The following MOCOS variants were observed in gnomAD, a reference collection of about 807,000 sequenced individuals.
MOCOS encodes the protein molybdenum cofactor sulfurase, also known as human molybdenum cofactor sulfurase.
Under a neutral mutation model 83.6 loss-of-function variants are expected in MOCOS, and 86 were observed. The observed-to-expected ratio is 1.03, with a 90% confidence interval of 0.86 to 1.23. The LOEUF (loss-of-function observed/expected upper bound fraction) is 1.23, where lower values mean the gene tolerates loss of function less well. Ranked by LOEUF, MOCOS falls within the 50% of genes most tolerant of loss-of-function variation. MOCOS has a pLI of 0.00. For missense variants in MOCOS, 1,120 were observed against 1,126.9 expected, an observed-to-expected ratio of 0.99 and a Z score of 0.09; for synonymous variants, 445 against 434.7, an observed-to-expected ratio of 1.02 and a Z score of -0.29.
chr18:36,207,275 G>A (rs1195076966), intron 6 of MOCOS, among the ~76,000 whole-genome samples: 2 of 152,164 alleles, frequency 1.3e-5, no homozygotes, highest in South Asian at 4.1e-4. Flanking sequence ...GGCCTCATGC[G>A]ATCCACCTGC....
intron 11 of MOCOS, among the ~76,000 whole-genome samples, chr18:36,255,945 T>A (rs1242400331): frequency 6.7e-6 from 1 of 148,426 alleles, no homozygotes; most frequent in Admixed American, 6.9e-5. Context: ...CAGACTGGAG[T>A]GCAATAGTGT....
chr18:36,254,501 TAGAG>T (rs57765304), intron 11 of MOCOS, among the ~76,000 whole-genome samples: 89 of 144,750 alleles, frequency 6.1e-4, no homozygotes, highest in African/African-American at 1.7e-3. Flanking sequence ...TGTGTGTGTA[TAGAG>T]AGAGAGAGAG....
At position 36,269,239 on chromosome 18, in the gene MOCOS, C is replaced by T. The variant is rs1598599257; in HGVS notation, c.*554C>T. The T allele has an allele frequency of 3.1e-5, 5 of 158,978 alleles. No individual in the cohort carries two copies. In the South Asian group the frequency reaches 9.2e-4, roughly 29 times the overall value. 9.8% of individuals were successfully genotyped at this position (158,978 alleles called of 1,614,324 possible). On this transcript the variant is annotated 3_prime_UTR_variant, in exon 15 of 15. Transcript: ENST00000261326. ...GAGTTTCTACCAGAATATTTATATT[C>T]TGAGCAAAGGCACAGGCCAGCAATT...
intron 12 of MOCOS, among the ~76,000 whole-genome samples, chr18:36,259,448 C>CAAA (rs397858504): frequency 1.3e-3 from 120 of 92,416 alleles, no homozygotes; most frequent in African/African-American, 4.9e-3. Flanking sequence ...GACCTTGTCT[C>CAAA]AAAAAAAAAA....
Position 36,227,476 on chromosome 18 carries a change from AC to A in MOCOS, c.1960+7261del, listed in dbSNP as rs1298139606. Among the ~76,000 whole-genome samples the A allele has an allele frequency of 4.0e-5, 6 of 151,584 alleles. No homozygotes were observed. The East Asian group carries it at 1.2e-3, about 30-fold the overall frequency. ...AGTGGCATGATCCCAGCTCACTGCAACCTCTGCCTCCTGGGTTCAAGAGATT... is the reference window on the plus strand; with the variant it reads ...AGTGGCATGATCCCAGCTCACTGCAACTCTGCCTCCTGGGTTCAAGAGATT... On this transcript the variant is annotated intron_variant, in intron 9 of 14. Transcript: ENST00000261326.
intron 7 of MOCOS, among the ~76,000 whole-genome samples, chr18:36,213,695 G>A (rs960036584): frequency 3.3e-5 from 5 of 152,132 alleles, no homozygotes; most frequent in Admixed American, 1.3e-4. Flanking sequence ...TTGGGAGGCC[G>A]AGGCAGGTGG....
chr18:36,262,174 C>T (rs74723625), intron 13 of MOCOS, among the ~76,000 whole-genome samples: 16 of 150,856 alleles, frequency 1.1e-4, no homozygotes, highest in African/African-American at 2.2e-4. Flanking sequence ...CCCATAGAAA[C>T]GCTAATACAA....
intron 5 of MOCOS, among the ~76,000 whole-genome samples, chr18:36,204,494 C>A (rs2091427013): frequency 6.6e-6 from 1 of 151,936 alleles, no homozygotes; most frequent in African/African-American, 2.4e-5. Flanking sequence ...TGATCTGTTA[C>A]CAAAGGGTCT....
intron 12 of MOCOS, among the ~76,000 whole-genome samples, chr18:36,259,418 C>T (rs2091654090): frequency 7.3e-6 from 1 of 137,146 alleles, no homozygotes; most frequent in African/African-American, 2.7e-5. Flanking sequence ...CACTGCACTC[C>T]AGTCTGGGTG....
Position 36,200,258 on chromosome 18 carries a change from G to A in MOCOS, c.875G>A (p.Gly292Glu). The change falls in exon 4 of 15, where the codon GGA becomes GAA. Residue 292 changes from glycine to glutamate, a missense_variant. Physicochemically the swap from Gly to Glu is moderately conservative, Grantham distance 98. Coordinates refer to ENST00000261326, the MANE Select transcript of MOCOS (RefSeq NM_017947.4). ...APLLRKTYFG[G>E]GTASAYLAGE... is the part of the protein sequence containing the mutation. The stretch of plus-strand genomic sequence containing the variant: ...CTACTGAGGAAGACCTACTTTGGAG[G>A]AGGGACAGCCTCTGCGTACCTAGCA... 1 of 1,614,184 alleles carries A rather than the reference G, an allele frequency of 6.2e-7. No homozygotes were observed.
rs758274744 is a variant in MOCOS at position 36,215,586 on chromosome 18, T to C, written c.1406T>C (p.Phe469Ser). Residue 469 changes from phenylalanine to serine, a missense_variant, in exon 8 of 15, where the codon TTT becomes TCT. Transcript: ENST00000261326. ...CCCACAGGATCTGTGAGGATTTCAT[T>C]TGGATACATGTCGACGCTGGATGAT... ...GQPTGSVRIS[F>S]GYMSTLDDVQ... 3 of 1,614,156 alleles carry C rather than the reference T, an allele frequency of 1.9e-6. No homozygotes were observed. Among genetic ancestry groups the C allele is most frequent in the Admixed American group, 1.7e-5 (1 of 60,022 alleles).
At chr18:36,245,041 A>T (rs764456480) in intron 9 of MOCOS, among the ~76,000 whole-genome samples, 2 of 152,160 alleles carry the variant, frequency 1.3e-5, no homozygotes, top group African/African-American at 2.4e-5. Flanking sequence ...AGTCTCTTGA[A>T]GACAGTAGAT....
At chr18:36,213,609 C>A in intron 7 of MOCOS, 127 bp downstream of exon 7, 1 of 815,558 alleles carries the variant, frequency 1.2e-6, no homozygotes, top group Non-Finnish European at 2.1e-6. Context: ...TGTGCATGTA[C>A]AAAGGAAAAG....
Position 36,266,466 on chromosome 18 carries a change from T to C in MOCOS, c.2410-283T>C, listed in dbSNP as rs183549836. Among the ~76,000 whole-genome samples the C allele has an allele frequency of 1.8e-4, 27 of 152,236 alleles. No individual in the cohort carries two copies. In the East Asian group the frequency reaches 4.6e-3, roughly 26 times the overall value. On this transcript the variant is annotated intron_variant, in intron 13 of 14. Transcript: ENST00000261326. ...AACTTTTCTCTTTTTCCAATTTGTC[T>C]TCCCAGTCACTGAGTGCTTTCCTTC... is the stretch of plus-strand genomic sequence containing the variant.
intron 9 of MOCOS, among the ~76,000 whole-genome samples, chr18:36,225,713 G>T (rs1231992675): frequency 6.6e-6 from 1 of 151,774 alleles, no homozygotes; most frequent in Non-Finnish European, 1.5e-5. Flanking sequence ...TACTGCTTTT[G>T]CCATATCCCA....
chr18:36,261,800 T>A (rs557008656), intron 13 of MOCOS, among the ~76,000 whole-genome samples: 3 of 152,236 alleles, frequency 2.0e-5, no homozygotes, highest in Admixed American at 1.3e-4. Context: ...TTATTTTCTA[T>A]CCCTGTGTCT....
At chr18:36,239,530 G>C (rs1187218631) in intron 9 of MOCOS, among the ~76,000 whole-genome samples, 1 of 150,930 alleles carries the variant, frequency 6.6e-6, no homozygotes, top group Non-Finnish European at 1.5e-5. Flanking sequence ...GCTTCCCTTT[G>C]AGGGTAACCC....
chr18:36,245,064 G>C (rs2091597733), intron 9 of MOCOS, among the ~76,000 whole-genome samples: 1 of 152,186 alleles, frequency 6.6e-6, no homozygotes, highest in African/African-American at 2.4e-5. Flanking sequence ...TTGGTTGGTG[G>C]ATTTTTATCC....
chr18:36,196,480 A>G lies in MOCOS; in HGVS notation c.232+1134A>G, dbSNP rs9955072. On this transcript the variant is annotated intron_variant, in intron 2 of 14. Transcript: ENST00000261326. ...CTGTGTTTGCAGGCAGTTTAGCTCC[A>G]GAGCCCAAGCCCTTAGCCTCCACCA... Among the ~76,000 whole-genome samples the G allele has an allele frequency of 6.1e-3, 928 of 152,224 alleles. 13 individuals are homozygous for G. Among genetic ancestry groups the G allele is most frequent in the African/African-American group, 0.022 (896 of 41,542 alleles).
Sources: allele counts gnomAD v4.1 joint callset (sites outside exome capture counted in the v4.1 genomes callset), GRCh38; gene constraint gnomAD v4.1.1; transcripts MANE v1.5; gene names NCBI Gene and HGNC (gene_info 2026-07-23, HGNC 2026-07-21).